The following AGAP1 variants were observed in gnomAD, a reference collection of about 807,000 sequenced individuals.
AGAP1 encodes the protein ArfGAP with GTPase domain, ankyrin repeat and PH domain 1.
In AGAP1, 29 loss-of-function variants were observed where a neutral mutation model predicts 105.3. The observed-to-expected ratio is 0.28, with a 90% CI of 0.21 to 0.38. The LOEUF (loss-of-function observed/expected upper bound fraction) is 0.38. Ranked by LOEUF, AGAP1 falls within the 10% of genes least tolerant of loss-of-function variation. The probability of loss-of-function intolerance (pLI) is 1.00; values close to 1 mark genes in which losing one functional copy is unlikely to be tolerated. For synonymous variants in AGAP1, 509 were observed against 485.9 expected, an observed-to-expected ratio of 1.05 and a Z score of -0.63; for missense variants, 998 against 1,165.1, an observed-to-expected ratio of 0.86 and a Z score of 2.09.
chr2:235,621,803 C>T lies in AGAP1; in HGVS notation c.164-87376C>T, dbSNP rs1481378070. 6.6e-6 allele frequency among the ~76,000 whole-genome samples: 1 copy of T among 152,212 alleles called. No individual in the cohort carries two copies. The highest frequency in any genetic ancestry group is 1.5e-5 in the Non-Finnish European group (1 of 68,034). ...ATTCCCAGTCTAACAGGAGAGGGCA[C>T]ATGGCAGTAACCCCCTGGGAGCGGC... On this transcript the variant is annotated intron_variant, in intron 1 of 17. Coordinates refer to ENST00000304032, the MANE Select transcript of AGAP1 (RefSeq NM_001037131.3). This position sits in a 1 kb window ranked among gnomAD's most constrained non-coding sequence, Gnocchi z 4.1.
In AGAP1 at chr2:236,045,843, C is replaced by G. The variant is rs2057700085; in HGVS notation, c.1892-3216C>G. The G allele has an allele frequency of 9.6e-6, 4 of 418,274 alleles. No individual in the cohort carries two copies. In the Admixed American group the frequency reaches 1.0e-4, roughly 11 times the overall value. 25.9% of individuals were successfully genotyped at this position (418,274 alleles called of 1,614,324 possible). The stretch of plus-strand genomic sequence containing the variant: ...GCTGGAGCGGAGGCAAGGTTCTCCC[C>G]TCAGTCAGCCCCAGCCTTACCTGTC... On this transcript the variant is annotated intron_variant, in intron 15 of 17. Coordinates refer to ENST00000304032, the MANE Select transcript of AGAP1 (RefSeq NM_001037131.3). The surrounding 1 kb of genome is among the most constrained non-coding windows in gnomAD (Gnocchi z 6.9).
chr2:235,748,717 C>G (rs1953173556), intron 5 of AGAP1, among the ~76,000 whole-genome samples: 1 of 152,168 alleles, frequency 6.6e-6, no homozygotes, highest in Non-Finnish European at 1.5e-5. Flanking sequence ...TTTAAATATA[C>G]TTCAAAAAAT....
At chr2:235,757,923 G>T (rs913158650) in intron 6 of AGAP1, among the ~76,000 whole-genome samples, 2 of 152,050 alleles carry the variant, frequency 1.3e-5, no homozygotes, top group South Asian at 2.1e-4. Context: ...CAGTCTTCTG[G>T]GCCTCTTCTC....
Position 235,642,951 on chromosome 2 carries a change from G to A in AGAP1, c.164-66228G>A, listed in dbSNP as rs1947247429. On this transcript the variant is annotated intron_variant, in intron 1 of 17. Transcript: ENST00000304032. The surrounding 1 kb of genome is among the most constrained non-coding windows in gnomAD (Gnocchi z 4.1). ...CAAGGCACGGTGGTGGTGGGGACCT[G>A]GCAAGGTACCGAACGGTGGAGGTGA... Among the ~76,000 whole-genome samples, 1 of 152,184 alleles carries A rather than the reference G, an allele frequency of 6.6e-6. No individual in the cohort carries two copies. Among genetic ancestry groups the A allele is most frequent in the African/African-American group, 2.4e-5 (1 of 41,440 alleles).
At position 235,732,881 on chromosome 2, in the gene AGAP1, C is replaced by T. The variant is rs1470123852; in HGVS notation, c.311-8082C>T. ...GGCCAGACCATTCTACCCACACTCC[C>T]ATTTGCCAGACCTCAGCCACCTCCC... On this transcript the variant is annotated intron_variant, in intron 3 of 17. Transcript: ENST00000304032. This position sits in a 1 kb window ranked among gnomAD's most constrained non-coding sequence, Gnocchi z 4.8. Among the ~76,000 whole-genome samples, 4 of 152,188 alleles carry T rather than the reference C, an allele frequency of 2.6e-5. No homozygotes were observed. Among genetic ancestry groups the T allele is most frequent in the Non-Finnish European group, 5.9e-5 (4 of 68,032 alleles).
intron 5 of AGAP1, among the ~76,000 whole-genome samples, chr2:235,745,650 G>T (rs562063960): frequency 3.3e-5 from 5 of 152,166 alleles, no homozygotes; most frequent in African/African-American, 4.8e-5. Context: ...ACTGTTTTGC[G>T]AATTCTTTTA....
intron 1 of AGAP1, among the ~76,000 whole-genome samples, chr2:235,519,792 A>AT (rs71400769): frequency 1.3e-5 from 2 of 151,842 alleles, no homozygotes; most frequent in Non-Finnish European, 2.9e-5. Context: ...ATCATTATTT[A>AT]TTTTTTTGAG....
chr2:235,853,394 G>A (rs1253880300), intron 9 of AGAP1, among the ~76,000 whole-genome samples: 1 of 152,194 alleles, frequency 6.6e-6, no homozygotes, highest in African/African-American at 2.4e-5. Flanking sequence ...TGTGATTTTA[G>A]TTGTTCCTTT....
At chr2:235,668,966 T>TG (rs929809610) in intron 1 of AGAP1, among the ~76,000 whole-genome samples, 1 of 152,116 alleles carries the variant, frequency 6.6e-6, no homozygotes, top group African/African-American at 2.4e-5. Context: ...TCTGTTGTCA[T>TG]GGGGAGCAAG....
At chr2:235,834,060 G>A (rs1020009359) in intron 9 of AGAP1, among the ~76,000 whole-genome samples, 4 of 151,414 alleles carry the variant, frequency 2.6e-5, no homozygotes, top group Admixed American at 6.6e-5. Flanking sequence ...CCAGTCTGGC[G>A]AAATCCAGTG....
At chr2:235,674,266 G>C (rs1017097728) in intron 1 of AGAP1, among the ~76,000 whole-genome samples, 2 of 152,214 alleles carry the variant, frequency 1.3e-5, no homozygotes, top group Non-Finnish European at 2.9e-5. Context: ...CCCTGTGTCA[G>C]ATCAAGGGCA....
intron 1 of AGAP1, among the ~76,000 whole-genome samples, chr2:235,565,068 C>G (rs1268207101): frequency 6.7e-6 from 1 of 148,844 alleles, no homozygotes; most frequent in Non-Finnish European, 1.5e-5. Flanking sequence ...CAGGTGTGAG[C>G]CTGGACCACC....
rs1248270312 is a variant in AGAP1, at chr2:235,578,969, C to G, written c.163+84120C>G. 6.6e-6 allele frequency among the ~76,000 whole-genome samples: 1 copy of G among 152,078 alleles called. No homozygotes were observed. The highest frequency in any genetic ancestry group is 1.5e-5 in the Non-Finnish European group (1 of 68,020). On this transcript the variant is annotated intron_variant, in intron 1 of 17. Coordinates refer to ENST00000304032, the MANE Select transcript of AGAP1 (RefSeq NM_001037131.3). This position sits in a 1 kb window ranked among gnomAD's most constrained non-coding sequence, Gnocchi z 4.9. Reference sequence around the variant, plus strand: ...ATTTGAATTACTTCTGTTTCTTTCTCTTTGCTAGTCTAAGTCTTAGAAGAA... The same window carrying G: ...ATTTGAATTACTTCTGTTTCTTTCTGTTTGCTAGTCTAAGTCTTAGAAGAA...
chr2:235,494,053 G>C lies in AGAP1; in HGVS notation c.-634G>C, dbSNP rs1215552348. Reference sequence around the variant, plus strand: ...GGGCCGACGTGGGCCGGAGCCCTGCGTGCCAGGGAGGGGGCCGGCCGGGCA... The same window carrying C: ...GGGCCGACGTGGGCCGGAGCCCTGCCTGCCAGGGAGGGGGCCGGCCGGGCA... On this transcript the variant is annotated 5_prime_UTR_variant, in exon 1 of 18. Transcript: ENST00000304032. 1 of 146,516 alleles carries C rather than the reference G, an allele frequency of 6.8e-6. No homozygotes were observed. Among genetic ancestry groups the C allele is most frequent in the African/African-American group, 2.5e-5 (1 of 40,730 alleles). The allele number at this position is 146,516 out of a possible 1,614,324, so 9.1% of individuals were successfully genotyped here. A position where few individuals can be genotyped will look rare whatever the true frequency, so the allele number is the denominator to read the frequency against.
chr2:236,028,686 C>T (rs1419168415), intron 13 of AGAP1, among the ~76,000 whole-genome samples: 2 of 152,150 alleles, frequency 1.3e-5, no homozygotes, highest in Non-Finnish European at 2.9e-5. Context: ...TTTCCAATCT[C>T]TCGGTCTTTC....
In AGAP1 at chr2:236,036,595, C is replaced by T. The variant is rs184265587; in HGVS notation, c.1680C>T (p.Ser560=). The T allele has an allele frequency of 6.2e-7, 1 of 1,614,190 alleles. No individual in the cohort carries two copies. The highest frequency in any genetic ancestry group is 2.2e-5 in the East Asian group (1 of 44,880). The change falls in exon 14 of 18, where the codon TCC becomes TCT. Residue 560 remains serine (S), a synonymous_variant. Coordinates refer to ENST00000304032, the MANE Select transcript of AGAP1 (RefSeq NM_001037131.3). This position sits in a 1 kb window ranked among gnomAD's most constrained non-coding sequence, Gnocchi z 5.7. ...QEENFEFIIV[S]LTGQTWHFEA... is the part of the protein sequence containing the mutation. ...AAAATTTTGAGTTTATCATTGTGTCCCTCACTGGCCAAACATGGCACTTTG... is the reference window on the plus strand; with the variant it reads ...AAAATTTTGAGTTTATCATTGTGTCTCTCACTGGCCAAACATGGCACTTTG...
intron 1 of AGAP1, among the ~76,000 whole-genome samples, chr2:235,652,842 T>A (rs1017960600): frequency 6.6e-6 from 1 of 150,868 alleles, no homozygotes; most frequent in African/African-American, 2.4e-5. Context: ...TGGGCAGAGG[T>A]TGCAATGAGT....
intron 10 of AGAP1, among the ~76,000 whole-genome samples, chr2:235,903,045 A>G (rs2051140305): frequency 1.3e-5 from 2 of 152,224 alleles, no homozygotes; most frequent in African/African-American, 4.8e-5. Context: ...ACAAATTTCA[A>G]CACAGCAATA....
chr2:236,008,857 A>T (rs1186012867), intron 13 of AGAP1, among the ~76,000 whole-genome samples: 1 of 152,216 alleles, frequency 6.6e-6, no homozygotes, highest in Non-Finnish European at 1.5e-5. Context: ...ATAATTGGAG[A>T]TTGATGACTT....
Sources: gnomAD v4.1 joint callset for allele counts (sites outside exome capture counted in the v4.1 genomes callset) on GRCh38, gnomAD v4.1.1 for gene constraint, Gnocchi (gnomAD v3.1) non-coding constraint, MANE v1.5 for transcripts, NCBI Gene and HGNC (gene_info 2026-07-23, HGNC 2026-07-21) for gene names.